Variants in PAFAH1B1 observed in about 807,000 individuals in gnomAD.
The protein encoded by PAFAH1B1 is platelet activating factor acetylhydrolase 1b regulatory subunit 1.
In PAFAH1B1, 2 loss-of-function variants were observed where a neutral mutation model predicts 57.5. The ratio of observed to expected loss-of-function variants is 0.03; its 90% CI spans 0.01 to 0.11. The LOEUF is 0.11. Ranked by LOEUF, PAFAH1B1 falls within the 10% of genes least tolerant of loss-of-function variation. The pLI, the probability that PAFAH1B1 is intolerant of heterozygous loss-of-function variation, is 1.00. For synonymous variants in PAFAH1B1, 152 were observed against 169.6 expected (o/e 0.90, Z 0.81); for missense variants, 257 against 512.0 (o/e 0.50, Z 4.81).
intron 10 of PAFAH1B1, among the ~76,000 whole-genome samples, chr17:2,680,640 A>G (rs923302872): frequency 6.6e-6 from 1 of 152,228 alleles, no homozygotes; most frequent in African/African-American, 2.4e-5. Context: ...TTCTCAAACA[A>G]AATCTTCCTC....
rs1476097568 is a variant in PAFAH1B1, at chr17:2,685,374, TTTCG to T, written c.*3574_*3577del. ...ACACTGACATGAAGGCAAGCCTTGA[TTTCG>T]TATGAACGTTGCTGAAGTGGTAATT... On this transcript the variant is annotated 3_prime_UTR_variant, in exon 11 of 11. Transcript: ENST00000397195. The T allele has an allele frequency of 6.6e-6, 1 of 152,600 alleles. No homozygotes were observed. Among genetic ancestry groups the T allele is most frequent in the Non-Finnish European group, 1.5e-5 (1 of 68,036 alleles). 9.5% of individuals were successfully genotyped at this position (152,600 alleles called of 1,614,324 possible).
chr17:2,636,700 C>T (rs1392782868), intron 1 of PAFAH1B1, among the ~76,000 whole-genome samples: 1 of 152,136 alleles, frequency 6.6e-6, no homozygotes, highest in Non-Finnish European at 1.5e-5. Flanking sequence ...CGCCTGGCCT[C>T]AGGGCTCATA....
At chr17:2,676,798 T>C (rs1307159973) in intron 9 of PAFAH1B1, among the ~76,000 whole-genome samples, 192 bp downstream of exon 9, 3 of 152,234 alleles carry the variant, frequency 2.0e-5, no homozygotes, top group Non-Finnish European at 1.5e-5. Flanking sequence ...ATGCAGATTC[T>C]ATAAAGAATC....
At chr17:2,653,258 C>G (rs915244976) in intron 2 of PAFAH1B1, among the ~76,000 whole-genome samples, 7 of 151,924 alleles carry the variant, frequency 4.6e-5, no homozygotes, top group African/African-American at 1.7e-4. Context: ...CATCACACAC[C>G]AGGGCCTGTC....
chr17:2,606,891 C>G (rs2151612102), intron 1 of PAFAH1B1, among the ~76,000 whole-genome samples: 1 of 136,356 alleles, frequency 7.3e-6, no homozygotes, highest in East Asian at 2.5e-4. Flanking sequence ...GTGGCGCAAT[C>G]TCAGCTCACT....
At chr17:2,622,144 T>A (rs1022635560) in intron 1 of PAFAH1B1, among the ~76,000 whole-genome samples, 1 of 152,132 alleles carries the variant, frequency 6.6e-6, no homozygotes, top group Non-Finnish European at 1.5e-5. Flanking sequence ...AAGTTGAGAT[T>A]TGGGTGAGGA....
intron 2 of PAFAH1B1, chr17:2,639,490 C>T (rs1459005915): frequency 6.6e-6 from 1 of 152,138 alleles, no homozygotes; most frequent in Non-Finnish European, 1.5e-5. Context: ...TATTTTATAG[C>T]ATTCCATTTT....
At chr17:2,604,093 A>G (rs1239550120) in intron 1 of PAFAH1B1, among the ~76,000 whole-genome samples, 1 of 150,754 alleles carries the variant, frequency 6.6e-6, no homozygotes, top group Non-Finnish European at 1.5e-5. Context: ...CCAGGAGTGC[A>G]ATGGCGTGAT....
At chr17:2,619,534 CTGTTTTTTTTT>C (rs68113236) in intron 1 of PAFAH1B1, among the ~76,000 whole-genome samples, 27,350 of 149,198 alleles carry the variant, frequency 0.18, 3,119 homozygotes, top group Non-Finnish European at 0.26. Context: ...TGGCCCTTAC[CTGTTTTTTTTT>C]TGTTTTTTTT....
Position 2,634,979 on chromosome 17 carries a change from A to G in PAFAH1B1, c.-190-3120A>G, listed in dbSNP as rs540420007. On this transcript the variant is annotated intron_variant, in intron 1 of 10. Coordinates refer to ENST00000397195, the MANE Select transcript of PAFAH1B1 (RefSeq NM_000430.4). Reference sequence around the variant, plus strand: ...GGAGTTTGAGACCAGCCTGGCCAACATGGTGAAACCCCGTCTTTACTAAAA... The same window carrying G: ...GGAGTTTGAGACCAGCCTGGCCAACGTGGTGAAACCCCGTCTTTACTAAAA... Among the ~76,000 whole-genome samples, 481 of 152,214 alleles carry G rather than the reference A, an allele frequency of 3.2e-3. 10 individuals carry two copies. The highest frequency in any genetic ancestry group is 7.5e-4 in the Non-Finnish European group (51 of 68,018).
intron 8 of PAFAH1B1, among the ~76,000 whole-genome samples, chr17:2,674,877 T>C (rs2069238914): frequency 6.6e-6 from 1 of 152,246 alleles, no homozygotes; most frequent in Admixed American, 6.5e-5. Context: ...CAGCGGCACA[T>C]GGCTATAGTC....
At chr17:2,676,309 C>A in intron 8 of PAFAH1B1, 196 bp from the exon 9 acceptor site, 1 of 518,950 alleles carries the variant, frequency 1.9e-6, no homozygotes, top group Non-Finnish European at 3.5e-6. Context: ...ACCCGGGAGG[C>A]GGAGGTTGCA....
rs2068421993 is a variant in PAFAH1B1 at position 2,621,605 on chromosome 17, G to GTTTTTTTTTTT, written c.-190-16493_-190-16492insTTTTTTTTTTT. On this transcript the variant is annotated intron_variant, in intron 1 of 10. Transcript: ENST00000397195. ...GCTATTCAAGCATGGTAGATAATCTGTCTTTTTTTTTTTTTTTTTTTTTTT... is the reference window on the plus strand; with the variant it reads ...GCTATTCAAGCATGGTAGATAATCTGTTTTTTTTTTTTCTTTTTTTTTTTTTTTTTTTTTTT... Among the ~76,000 whole-genome samples, 14 of 93,208 alleles carry GTTTTTTTTTTT rather than the reference G, an allele frequency of 1.5e-4. 4 individuals carry two copies. Among genetic ancestry groups the GTTTTTTTTTTT allele is most frequent in the African/African-American group, 4.7e-4 (10 of 21,296 alleles). 61.1% of individuals were successfully genotyped at this position (93,208 alleles called of 152,430 possible).
intron 1 of PAFAH1B1, among the ~76,000 whole-genome samples, chr17:2,602,476 A>T (rs891504350): frequency 6.6e-6 from 1 of 152,124 alleles, no homozygotes. Context: ...CTCTATATCC[A>T]ATCAATTACC....
rs778417468 is a variant in PAFAH1B1 at position 2,680,335 on chromosome 17, C to T, written c.1159+15C>T. On this transcript the variant is annotated intron_variant, in intron 10 of 10. Coordinates refer to ENST00000397195, the MANE Select transcript of PAFAH1B1 (RefSeq NM_000430.4). ...TACCTCCTTGGGTATGTACGCCTCGCGAGGTCTCTGAACATTAGATTTTGG... is the reference window on the plus strand; with the variant it reads ...TACCTCCTTGGGTATGTACGCCTCGTGAGGTCTCTGAACATTAGATTTTGG... The T allele has an allele frequency of 1.1e-5, 17 of 1,611,588 alleles. No individual in the cohort carries two copies. In the African/African-American group the frequency reaches 1.2e-4, roughly 11 times the overall value.
intron 1 of PAFAH1B1, among the ~76,000 whole-genome samples, chr17:2,633,146 A>AT (rs1158359726): frequency 7.0e-6 from 1 of 142,274 alleles, no homozygotes; most frequent in Non-Finnish European, 1.6e-5. Context: ...ATCAAGATTT[A>AT]TTTTTTTCTT....
At chr17:2,623,140 C>G (rs1314496858) in intron 1 of PAFAH1B1, among the ~76,000 whole-genome samples, 1 of 152,080 alleles carries the variant, frequency 6.6e-6, no homozygotes, top group Non-Finnish European at 1.5e-5. Context: ...CCAGGAAGTT[C>G]TCTGACATGG....
intron 1 of PAFAH1B1, among the ~76,000 whole-genome samples, chr17:2,599,525 GA>G (rs894348340): frequency 2.6e-5 from 4 of 152,154 alleles, no homozygotes; most frequent in African/African-American, 9.7e-5. Flanking sequence ...CTGCTTTACA[GA>G]TAGTATTAAT....
At chr17:2,656,897 C>T (rs1286127773) in intron 2 of PAFAH1B1, among the ~76,000 whole-genome samples, 1 of 151,990 alleles carries the variant, frequency 6.6e-6, no homozygotes, top group African/African-American at 2.4e-5. Context: ...AGCCATTTCT[C>T]TCATTATTTT....
Sources: allele counts gnomAD v4.1 joint callset (sites outside exome capture counted in the v4.1 genomes callset), GRCh38; gene constraint gnomAD v4.1.1; transcripts MANE v1.5; gene names NCBI Gene and HGNC (gene_info 2026-07-23, HGNC 2026-07-21).